The following TEK variants were observed in gnomAD, a reference collection of about 807,000 sequenced individuals.
TEK encodes the protein TEK receptor tyrosine kinase, also known as angiopoietin-1 receptor.
Under a neutral mutation model 131.8 loss-of-function variants are expected in TEK, and 43 were observed. That is an observed-to-expected ratio of 0.33 (90% CI 0.26 to 0.42). The LOEUF is 0.42. Among genes scored for constraint, TEK ranks in the 10% least tolerant of loss-of-function variants. TEK has a pLI of 1.00. For synonymous variants in TEK, 580 were observed against 491.6 expected, an observed-to-expected ratio of 1.18 and a Z score of -2.38; for missense variants, 1,162 against 1,384.4, an observed-to-expected ratio of 0.84 and a Z score of 2.55.
intron 4 of TEK, among the ~76,000 whole-genome samples, chr9:27,170,994 G>C (rs142688267): frequency 6.6e-5 from 10 of 152,106 alleles, no homozygotes; most frequent in African/African-American, 2.4e-4. Flanking sequence ...GGACCTCTTG[G>C]GTTAGACTAA....
chr9:27,135,912 C>G (rs573775863), intron 1 of TEK, among the ~76,000 whole-genome samples: 1 of 152,276 alleles, frequency 6.6e-6, no homozygotes, highest in South Asian at 2.1e-4. Flanking sequence ...CACTTGCATT[C>G]CTGCCAAAAG....
At chr9:27,143,009 G>C (rs1479246812) in intron 1 of TEK, among the ~76,000 whole-genome samples, 1 of 152,226 alleles carries the variant, frequency 6.6e-6, no homozygotes, top group African/African-American at 2.4e-5. Flanking sequence ...GCAAACACTT[G>C]ATAGTAGTGA....
In TEK at chr9:27,110,172, C is replaced by CTTTTT. The variant is rs56159018; in HGVS notation, c.52+538_52+542dup. ...TTAAGCAAAGCAATGAAATTGTAGG[C>CTTTTT]TTTTTTTTTTTTCTTGTAGTTAGGG... On this transcript the variant is annotated intron_variant, in intron 1 of 22. Transcript: ENST00000380036. Among the ~76,000 whole-genome samples the CTTTTT allele has an allele frequency of 3.9e-3, 561 of 144,880 alleles. 8 individuals are homozygous for CTTTTT. Among genetic ancestry groups the CTTTTT allele is most frequent in the African/African-American group, 0.014 (536 of 39,388 alleles).
intron 21 of TEK, among the ~76,000 whole-genome samples, chr9:27,222,387 G>T (rs945450011): frequency 1.3e-5 from 2 of 152,100 alleles, no homozygotes; most frequent in Non-Finnish European, 2.9e-5. Context: ...TCCTTGAGAA[G>T]AGCAACCCCA....
At chr9:27,228,425 G>C (rs1237084268) in intron 22 of TEK, 120 bp downstream of exon 22, 1 of 790,208 alleles carries the variant, frequency 1.3e-6, no homozygotes, top group African/African-American at 1.7e-5. Flanking sequence ...AAGTATTATA[G>C]AAACAAAGGA....
At chr9:27,202,701 CCATATGAGAAAA>C in intron 12 of TEK, 107 bp from the exon 13 acceptor site, 1 of 1,049,322 alleles carries the variant, frequency 9.5e-7, no homozygotes, top group Non-Finnish European at 1.4e-6. Flanking sequence ...GATTGGGGTA[CCATATGAGAAAA>C]CATTTGTTTG....
Position 27,180,235 on chromosome 9 carries a change from T to C in TEK, c.902-5T>C. The C allele has an allele frequency of 6.2e-7, 1 of 1,613,796 alleles. No homozygotes were observed. The highest frequency in any genetic ancestry group is 8.5e-7 in the Non-Finnish European group (1 of 1,179,770). ...ATACTGGTTTTTTGATGTCTCTGTT[T>C]ACAGCATGCCACCCTGGTTTTTACG... is the stretch of plus-strand genomic sequence containing the variant. On this transcript the variant is annotated splice_region_variant and splice_polypyrimidine_tract_variant and intron_variant, in intron 6 of 22. Coordinates refer to ENST00000380036, the MANE Select transcript of TEK (RefSeq NM_000459.5).
intron 21 of TEK, among the ~76,000 whole-genome samples, chr9:27,221,722 C>A (rs902640893): frequency 6.6e-6 from 1 of 152,076 alleles, no homozygotes. Flanking sequence ...GTATCAACAT[C>A]AACAAAAAGG....
chr9:27,228,002 G>A (rs375365048), intron 21 of TEK, among the ~76,000 whole-genome samples: 4 of 152,108 alleles, frequency 2.6e-5, no homozygotes, highest in African/African-American at 9.7e-5. Flanking sequence ...AAACAGTACC[G>A]AGGGTAGGAA....
chr9:27,193,278 C>T (rs1443926883), intron 11 of TEK, among the ~76,000 whole-genome samples: 1 of 152,156 alleles, frequency 6.6e-6, no homozygotes, highest in Admixed American at 6.6e-5. Flanking sequence ...ATCAGAATCA[C>T]TCAGAGAGTT....
chr9:27,189,703 C>G (rs1269941766), intron 9 of TEK, among the ~76,000 whole-genome samples: 1 of 152,120 alleles, frequency 6.6e-6, no homozygotes, highest in Non-Finnish European at 1.5e-5. Flanking sequence ...CAGGCAGTCT[C>G]TAGAAGCTAG....
intron 2 of TEK, among the ~76,000 whole-genome samples, chr9:27,168,193 G>A (rs1487619707): frequency 1.3e-5 from 2 of 152,244 alleles, no homozygotes; most frequent in African/African-American, 4.8e-5. Context: ...TATTCATTCT[G>A]AACTAATCAA....
At chr9:27,130,933 A>G (rs1822190553) in intron 1 of TEK, among the ~76,000 whole-genome samples, 4 of 152,236 alleles carry the variant, frequency 2.6e-5, no homozygotes, top group Admixed American at 2.0e-4. Flanking sequence ...AAAAACATCA[A>G]TAGAAAAAGA....
intron 18 of TEK, among the ~76,000 whole-genome samples, chr9:27,217,404 G>C (rs73643159): frequency 2.1e-4 from 32 of 152,068 alleles, no homozygotes; most frequent in African/African-American, 7.5e-4. Context: ...TTCAAGCCTC[G>C]GAGTGCCTCT....
chr9:27,120,911 AATTACAATGT>A (rs1821759025), intron 1 of TEK, among the ~76,000 whole-genome samples: 1 of 152,222 alleles, frequency 6.6e-6, no homozygotes, highest in African/African-American at 2.4e-5. Context: ...TAGAAAATTT[AATTACAATGT>A]ACAGTTTACT....
chr9:27,127,476 T>C (rs562814850), intron 1 of TEK, among the ~76,000 whole-genome samples: 2 of 152,386 alleles, frequency 1.3e-5, no homozygotes, highest in South Asian at 4.1e-4. Flanking sequence ...TATAATCCTT[T>C]GGGTGTATAC....
At position 27,173,226 on chromosome 9, in the gene TEK, T is replaced by C; in HGVS notation, c.765T>C (p.Cys255=). 2 of 1,614,014 alleles carry C rather than the reference T, an allele frequency of 1.2e-6. No individual in the cohort carries two copies. The highest frequency in any genetic ancestry group is 1.7e-6 in the Non-Finnish European group (2 of 1,179,914). ...GFMGRTCEKA[C]ELHTFGRTCK... is the part of the protein sequence containing the mutation. ...TCTTTTCTTTTCCTCCCAAAGCTTG[T>C]GAACTGCACACGTTTGGCAGAACTT... The change falls in exon 6 of 23, where the codon TGT becomes TGC. Residue 255 remains cysteine (C), a synonymous_variant. Transcript: ENST00000380036.
intron 1 of TEK, among the ~76,000 whole-genome samples, chr9:27,147,425 T>C (rs939416835): frequency 6.6e-6 from 1 of 152,086 alleles, no homozygotes; most frequent in African/African-American, 2.4e-5. Context: ...TTAAAAAAAT[T>C]GAGTTGTTTT....
chr9:27,162,863 G>C (rs1485500920), intron 2 of TEK, among the ~76,000 whole-genome samples: 1 of 151,922 alleles, frequency 6.6e-6, no homozygotes, highest in Non-Finnish European at 1.5e-5. Context: ...CTACAGGTGC[G>C]CACCACCATG....
Sources: gnomAD v4.1 joint callset for allele counts (sites outside exome capture counted in the v4.1 genomes callset) on GRCh38, gnomAD v4.1.1 for gene constraint, MANE v1.5 for transcripts, NCBI Gene and HGNC (gene_info 2026-07-23, HGNC 2026-07-21) for gene names.